Variants in NRXN1 observed in about 807,000 individuals in gnomAD.
NRXN1 encodes the protein neurexin-1.
NRXN1 carries 39 observed loss-of-function variants against 150.9 expected under a neutral mutation model. The ratio of observed to expected loss-of-function variants is 0.26; its 90% CI spans 0.20 to 0.34. The LOEUF (loss-of-function observed/expected upper bound fraction) is 0.34. Ranked by LOEUF, NRXN1 falls within the 10% of genes least tolerant of loss-of-function variation. The pLI is 1.00. For synonymous variants in NRXN1, 924 were observed against 757.0 expected, an observed-to-expected ratio of 1.22 and a Z score of -3.62; for missense variants, 1,815 against 1,949.9, an observed-to-expected ratio of 0.93 and a Z score of 1.30.
At chr2:50,153,115 GTATTT>G (rs1164850924) in intron 18 of NRXN1, among the ~76,000 whole-genome samples, 4 of 151,452 alleles carry the variant, frequency 2.6e-5, no homozygotes, top group Admixed American at 2.0e-4. Context: ...GCTCAGTTCT[GTATTT>G]TATTCCCTCT....
At chr2:50,771,741 T>C (rs923237969) in intron 5 of NRXN1, among the ~76,000 whole-genome samples, 1 of 152,116 alleles carries the variant, frequency 6.6e-6, no homozygotes, top group South Asian at 2.1e-4. Context: ...GGAATATTCA[T>C]GAAGTGCTAC....
chr2:50,733,468 A>G (rs1698350076), intron 5 of NRXN1, among the ~76,000 whole-genome samples: 1 of 152,210 alleles, frequency 6.6e-6, no homozygotes, highest in Non-Finnish European at 1.5e-5. Context: ...ATAAGCATTA[A>G]GTGATTAATG....
At chr2:50,980,908 C>A (rs953630205) in intron 2 of NRXN1, among the ~76,000 whole-genome samples, 1 of 151,986 alleles carries the variant, frequency 6.6e-6, no homozygotes, top group Non-Finnish European at 1.5e-5. Context: ...TCTCAATATA[C>A]CCTGCTGTGC....
intron 5 of NRXN1, among the ~76,000 whole-genome samples, chr2:50,656,991 G>A (rs1686573757): frequency 1.3e-5 from 2 of 152,088 alleles, no homozygotes; most frequent in African/African-American, 4.8e-5. Flanking sequence ...CACCTTCCTT[G>A]ATATATGACA....
At chr2:50,910,313 C>A (rs1684337815) in intron 5 of NRXN1, among the ~76,000 whole-genome samples, 1 of 151,980 alleles carries the variant, frequency 6.6e-6, no homozygotes, top group Admixed American at 6.6e-5. Flanking sequence ...ATTGTGCATT[C>A]ACTATTCACT....
chr2:51,006,486 G>A (rs1700739031), intron 2 of NRXN1, among the ~76,000 whole-genome samples: 1 of 151,746 alleles, frequency 6.6e-6, no homozygotes, highest in African/African-American at 2.4e-5. Context: ...CGTGGCACAT[G>A]TATGTATATG....
intron 17 of NRXN1, among the ~76,000 whole-genome samples, chr2:50,414,184 ATAACT>A (rs1278349704): frequency 2.6e-5 from 4 of 152,178 alleles, no homozygotes; most frequent in African/African-American, 7.2e-5. Flanking sequence ...ACATTTTAAA[ATAACT>A]TAAAAGAGTG....
chr2:50,240,590 G>A (rs2065917782), intron 17 of NRXN1, among the ~76,000 whole-genome samples: 1 of 151,584 alleles, frequency 6.6e-6, no homozygotes, highest in Non-Finnish European at 1.5e-5. Flanking sequence ...TCTGAACCAA[G>A]GACATGATGT....
intron 5 of NRXN1, among the ~76,000 whole-genome samples, chr2:50,886,016 T>G (rs1039295624): frequency 1.3e-5 from 2 of 151,430 alleles, no homozygotes; most frequent in Admixed American, 1.3e-4. Context: ...TAATTTGGTT[T>G]GAATGAGCTT....
rs574023505 is a variant in NRXN1, at chr2:50,261,346, T to C, written c.3365-24376A>G. Among the ~76,000 whole-genome samples the C allele has an allele frequency of 3.9e-5, 6 of 151,932 alleles. No individual in the cohort carries two copies. The East Asian group carries it at 1.2e-3, about 29-fold the overall frequency. On this transcript the variant is annotated intron_variant, in intron 17 of 22. Coordinates refer to ENST00000401669, the MANE Select transcript of NRXN1 (RefSeq NM_001330078.2). ...AAGTGTATATAACAAGGAAAGCCTC[T>C]AAGGTACGCTCAGAGAGATTCATTT...
intron 5 of NRXN1, among the ~76,000 whole-genome samples, chr2:50,641,166 G>A (rs1205983868): frequency 6.6e-6 from 1 of 152,084 alleles, no homozygotes; most frequent in East Asian, 1.9e-4. Context: ...CTTTACTGCT[G>A]TGCCTTAATA....
At chr2:50,186,267 C>A (rs1177767048) in intron 18 of NRXN1, among the ~76,000 whole-genome samples, 1 of 152,036 alleles carries the variant, frequency 6.6e-6, no homozygotes, top group Non-Finnish European at 1.5e-5. Flanking sequence ...CTTTACTTTG[C>A]TACATCATTA....
rs1259230253 is a variant in NRXN1, at chr2:50,702,894, A to G, written c.833-79279T>C. 1.1e-4 allele frequency among the ~76,000 whole-genome samples: 16 copies of G among 152,182 alleles called. 1 individual carries two copies. The East Asian group carries it at 2.9e-3, about 28-fold the overall frequency. ...TTTTTTTCCCCCAGGATTCTCCATT[A>G]TATCTAACTGAATTCCCCTATCAGG... On this transcript the variant is annotated intron_variant, in intron 5 of 22. Transcript: ENST00000401669.
At chr2:50,163,626 T>C (rs1181969361) in intron 18 of NRXN1, among the ~76,000 whole-genome samples, 1 of 152,176 alleles carries the variant, frequency 6.6e-6, no homozygotes, top group African/African-American at 2.4e-5. Context: ...TTTGCTTTTG[T>C]TGGTAAGCAC....
intron 8 of NRXN1, among the ~76,000 whole-genome samples, chr2:50,618,081 T>G (rs1025113720): frequency 1.3e-5 from 2 of 152,104 alleles, no homozygotes; most frequent in African/African-American, 4.8e-5. Context: ...CTTTTTCCAA[T>G]CTAAGCAGGA....
chr2:50,027,996 A>G (rs987620342), intron 21 of NRXN1, among the ~76,000 whole-genome samples: 1 of 152,086 alleles, frequency 6.6e-6, no homozygotes, highest in Non-Finnish European at 1.5e-5. Flanking sequence ...GTATGTTTCA[A>G]TGTGTCTTGG....
chr2:50,639,890 G>A (rs1683811905), intron 5 of NRXN1, among the ~76,000 whole-genome samples: 2 of 151,902 alleles, frequency 1.3e-5, no homozygotes, highest in Admixed American at 1.3e-4. Context: ...TCAAATGTTC[G>A]AATATTCCTA....
intron 17 of NRXN1, among the ~76,000 whole-genome samples, chr2:50,240,396 C>A (rs2065901948): frequency 6.6e-6 from 1 of 151,746 alleles, no homozygotes; most frequent in Admixed American, 6.6e-5. Context: ...CCTCAGCTCT[C>A]TTCTACATAC....
intron 3 of NRXN1, among the ~76,000 whole-genome samples, chr2:50,925,619 G>C (rs1182560818): frequency 2.0e-5 from 3 of 151,786 alleles, no homozygotes; most frequent in African/African-American, 7.3e-5. Flanking sequence ...AAACTACAAA[G>C]AAATATTTTG....
Sources: gnomAD v4.1 joint callset for allele counts (sites outside exome capture counted in the v4.1 genomes callset) on GRCh38, gnomAD v4.1.1 for gene constraint, MANE v1.5 for transcripts, NCBI Gene and HGNC (gene_info 2026-07-23, HGNC 2026-07-21) for gene names.